PRIM2: variants seen among roughly 807,000 people sequenced by gnomAD.
The protein encoded by PRIM2 is DNA primase large subunit.
Under a neutral mutation model 67.3 loss-of-function variants are expected in PRIM2, and 39 were observed. The ratio of observed to expected loss-of-function variants is 0.58; its 90% CI spans 0.45 to 0.76. PRIM2 has a LOEUF of 0.76. Among genes scored for constraint, PRIM2 ranks in the 30% least tolerant of loss-of-function variants. PRIM2 has a pLI of 0.00. For missense variants in PRIM2, 398 were observed against 598.7 expected, an observed-to-expected ratio of 0.66 and a Z score of 3.50; for synonymous variants, 143 against 198.7, an observed-to-expected ratio of 0.72 and a Z score of 2.36.
At chr6:57,504,714 TA>T (rs1460008573) in intron 7 of PRIM2, among the ~76,000 whole-genome samples, 1 of 152,188 alleles carries the variant, frequency 6.6e-6, no homozygotes, top group Non-Finnish European at 1.5e-5. Flanking sequence ...GAAAAAAAAT[TA>T]AAACATAGTT....
the PRIM2 span, among the ~76,000 whole-genome samples, chr6:57,259,029 T>C: frequency 6.6e-6 from 1 of 152,224 alleles, no homozygotes; most frequent in Non-Finnish European, 1.5e-5. Context: ...TAAGTTCCCA[T>C]GTACCATGGC....
intron 12 of PRIM2, among the ~76,000 whole-genome samples, chr6:57,624,815 G>A (rs1400521947): frequency 1.3e-5 from 2 of 152,148 alleles, no homozygotes; most frequent in Admixed American, 6.5e-5. Flanking sequence ...TCATGCTGCT[G>A]ATAAAGACAT....
the PRIM2 span, among the ~76,000 whole-genome samples, chr6:57,231,494 A>G: frequency 6.6e-6 from 1 of 152,250 alleles, no homozygotes; most frequent in Non-Finnish European, 1.5e-5. Context: ...ATCTCTTACA[A>G]GTCAATAAGC....
At chr6:57,618,661 C>T (rs1776796155) in intron 12 of PRIM2, among the ~76,000 whole-genome samples, 4 of 152,228 alleles carry the variant, frequency 2.6e-5, no homozygotes, top group African/African-American at 9.6e-5. Flanking sequence ...GGCTTTCCCC[C>T]ACTTCTTTGA....
chr6:57,622,730 G>GA (rs1776881880), intron 12 of PRIM2, among the ~76,000 whole-genome samples: 1 of 152,016 alleles, frequency 6.6e-6, no homozygotes, highest in African/African-American at 2.4e-5. Context: ...CATGAAATAT[G>GA]AAAAAATGTA....
intron 7 of PRIM2, among the ~76,000 whole-genome samples, chr6:57,486,925 AGT>A (rs1773767619): frequency 6.6e-6 from 1 of 152,190 alleles, no homozygotes; most frequent in Non-Finnish European, 1.5e-5. Flanking sequence ...GATTTCTTCT[AGT>A]GTGAATCATA....
chr6:57,430,661 A>T (rs1333791741), intron 7 of PRIM2, among the ~76,000 whole-genome samples: 6 of 151,804 alleles, frequency 4.0e-5, no homozygotes, highest in African/African-American at 1.5e-4. Context: ...AGGTTTCACT[A>T]TGTTGGCCAG....
At chr6:57,499,674 C>T (rs1774089439) in intron 7 of PRIM2, among the ~76,000 whole-genome samples, 1 of 152,188 alleles carries the variant, frequency 6.6e-6, no homozygotes, top group Non-Finnish European at 1.5e-5. Flanking sequence ...TCCCATATCA[C>T]ATAAAACTTA....
chr6:57,577,159 T>C (rs1775978426), intron 10 of PRIM2, among the ~76,000 whole-genome samples: 1 of 152,294 alleles, frequency 6.6e-6, no homozygotes, highest in South Asian at 2.1e-4. Context: ...TTACTCTAGT[T>C]TTAGAAGAGA....
the PRIM2 span, among the ~76,000 whole-genome samples, chr6:57,289,859 T>C: frequency 6.6e-6 from 1 of 152,134 alleles, no homozygotes; most frequent in Admixed American, 6.5e-5. Flanking sequence ...ACATGCCAAA[T>C]TGTAAAGACC....
chr6:57,462,503 G>C (rs1046467017), intron 7 of PRIM2, among the ~76,000 whole-genome samples: 1 of 152,324 alleles, frequency 6.6e-6, no homozygotes, highest in Admixed American at 6.5e-5. Flanking sequence ...GAACTATAAA[G>C]AATCCTTTCA....
chr6:57,307,353 A>T, the PRIM2 span, among the ~76,000 whole-genome samples: 3 of 151,370 alleles, frequency 2.0e-5, no homozygotes, highest in African/African-American at 7.3e-5. Flanking sequence ...TCCTGGGTTC[A>T]CGCCATTCTC....
chr6:57,368,831 T>A (rs767062304), intron 5 of PRIM2, among the ~76,000 whole-genome samples: 5 of 152,170 alleles, frequency 3.3e-5, no homozygotes, highest in Non-Finnish European at 7.4e-5. Flanking sequence ...CAAACCTCAG[T>A]GACTTATAGA....
In PRIM2 at chr6:57,551,226, G is replaced by A. The variant is rs1241394039; in HGVS notation, c.1020+13601G>A. ...TGTTGTGGGGACCCAGAGAATGGTT[G>A]TGCTTTAATAGTGCGATTGTTGTTG... On this transcript the variant is annotated intron_variant, in intron 10 of 13. Coordinates refer to ENST00000615550, the MANE Select transcript of PRIM2 (RefSeq NM_000947.5). Among the ~76,000 whole-genome samples, 597 of 152,258 alleles carry A rather than the reference G, an allele frequency of 3.9e-3. 3 individuals are homozygous for A. The highest frequency in any genetic ancestry group is 0.014 in the African/African-American group (562 of 41,540).
chr6:57,518,378 T>C (rs1422890291), intron 8 of PRIM2, among the ~76,000 whole-genome samples: 1 of 152,236 alleles, frequency 6.6e-6, no homozygotes, highest in Non-Finnish European at 1.5e-5. Context: ...ATGTTATGTT[T>C]TCTTCTCAGC....
chr6:57,626,099 C>T (rs1284374399), intron 12 of PRIM2, among the ~76,000 whole-genome samples: 2 of 152,228 alleles, frequency 1.3e-5, no homozygotes, highest in African/African-American at 4.8e-5. Context: ...ATTAGATTAG[C>T]CACATATCTA....
intron 12 of PRIM2, among the ~76,000 whole-genome samples, chr6:57,630,279 T>A (rs1208631745): frequency 6.6e-6 from 1 of 152,134 alleles, no homozygotes; most frequent in Non-Finnish European, 1.5e-5. Context: ...TAAAAATTCA[T>A]CCTAATAAAA....
chr6:57,440,125 C>T (rs1034789948), intron 7 of PRIM2, among the ~76,000 whole-genome samples: 1 of 150,954 alleles, frequency 6.6e-6, no homozygotes, highest in Non-Finnish European at 1.5e-5. Context: ...CATTTACATT[C>T]TGGCAAATAA....
intron 7 of PRIM2, among the ~76,000 whole-genome samples, chr6:57,397,978 T>G (rs1440758538): frequency 2.7e-5 from 4 of 150,198 alleles, no homozygotes; most frequent in Non-Finnish European, 4.4e-5. Context: ...TTTTTTTTTT[T>G]GAGACGGAGT....
Sources: gnomAD v4.1 joint callset for allele counts (sites outside exome capture counted in the v4.1 genomes callset) on GRCh38, gnomAD v4.1.1 for gene constraint, MANE v1.5 for transcripts, NCBI Gene and HGNC (gene_info 2026-07-23, HGNC 2026-07-21) for gene names.